The following CDH4 variants were observed in gnomAD, a reference collection of about 807,000 sequenced individuals.
CDH4 encodes the protein cadherin-4.
In CDH4, 33 loss-of-function variants were observed where a neutral mutation model predicts 86.0. The observed-to-expected ratio is 0.38, with a 90% CI of 0.29 to 0.51. The LOEUF is 0.51. CDH4 is among the 20% of genes least tolerant of loss of function. The pLI is 0.86. For missense variants in CDH4, 1,114 were observed against 1,307.4 expected, an observed-to-expected ratio of 0.85 and a Z score of 2.28; for synonymous variants, 555 against 549.4, an observed-to-expected ratio of 1.01 and a Z score of -0.14.
chr20:61,858,728 C>T (rs574446631), intron 6 of CDH4, among the ~76,000 whole-genome samples: 89 of 152,280 alleles, frequency 5.8e-4, no homozygotes, highest in African/African-American at 2.0e-3. Flanking sequence ...GATGTACAGC[C>T]AGGTCGTATC....
intron 6 of CDH4, among the ~76,000 whole-genome samples, chr20:61,853,148 A>C (rs1010211241): frequency 2.6e-5 from 4 of 151,986 alleles, no homozygotes; most frequent in Non-Finnish European, 4.4e-5. Context: ...TGGGAAGAAA[A>C]CCCGGGCACT....
chr20:61,549,278 G>A (rs1021824992), intron 2 of CDH4, among the ~76,000 whole-genome samples: 1 of 152,214 alleles, frequency 6.6e-6, no homozygotes, highest in East Asian at 1.9e-4. Flanking sequence ...AGTTTTATGG[G>A]CATAAACATG....
chr20:61,544,272 AGCGGGTGGAG>A lies in CDH4; in HGVS notation c.170-199288_170-199279del, dbSNP rs1444295461. 1.3e-5 allele frequency among the ~76,000 whole-genome samples: 2 copies of A among 151,978 alleles called. No individual in the cohort carries two copies. Among genetic ancestry groups the A allele is most frequent in the African/African-American group, 4.8e-5 (2 of 41,370 alleles). ...ATATGGCGGGGTACGGCTGACATCG[AGCGGGTGGAG>A]GCTGGGTACGGCTAAACACCCCACA... On this transcript the variant is annotated intron_variant, in intron 2 of 15. Coordinates refer to ENST00000614565, the MANE Select transcript of CDH4 (RefSeq NM_001794.5). This position sits in a 1 kb window ranked among gnomAD's most constrained non-coding sequence, Gnocchi z 6.5.
intron 2 of CDH4, among the ~76,000 whole-genome samples, chr20:61,596,498 C>T (rs1314227162): frequency 6.6e-6 from 1 of 152,180 alleles, no homozygotes; most frequent in African/African-American, 2.4e-5. Context: ...AGCAGCAAGT[C>T]TCTGGGCCAT....
intron 2 of CDH4, among the ~76,000 whole-genome samples, chr20:61,411,656 C>T (rs575803792): frequency 6.6e-6 from 1 of 152,072 alleles, no homozygotes; most frequent in South Asian, 2.1e-4. Context: ...TTGTTCAGCT[C>T]TCTCTGATGC....
chr20:61,519,561 G>A (rs6061591), intron 2 of CDH4, among the ~76,000 whole-genome samples: 1 of 152,184 alleles, frequency 6.6e-6, no homozygotes, highest in African/African-American at 2.4e-5. Context: ...TCTGTGTTCA[G>A]GCTCCCCAAG....
At chr20:61,729,404 C>T (rs923053607) in intron 2 of CDH4, among the ~76,000 whole-genome samples, 5 of 152,186 alleles carry the variant, frequency 3.3e-5, no homozygotes, top group African/African-American at 1.2e-4. Context: ...TCCCTGCGGC[C>T]CCCTCTTCTG....
chr20:61,732,573 G>A (rs544746045), intron 2 of CDH4, among the ~76,000 whole-genome samples: 53 of 152,144 alleles, frequency 3.5e-4, no homozygotes, highest in Non-Finnish European at 6.8e-4. Context: ...CACCAACACA[G>A]CCTTCCACCT....
intron 4 of CDH4, among the ~76,000 whole-genome samples, chr20:61,787,717 A>T (rs1600988340): frequency 6.6e-6 from 1 of 152,248 alleles, no homozygotes; most frequent in African/African-American, 2.4e-5. Context: ...GTGGGATGCC[A>T]TTGAAGTTTG....
intron 2 of CDH4, among the ~76,000 whole-genome samples, chr20:61,715,090 G>A (rs2087939021): frequency 6.6e-6 from 1 of 152,080 alleles, no homozygotes; most frequent in South Asian, 2.1e-4. Context: ...TTGACGTTTT[G>A]ATAATGGCCA....
chr20:61,305,824 G>A (rs1196845380), intron 2 of CDH4, among the ~76,000 whole-genome samples: 1 of 152,194 alleles, frequency 6.6e-6, no homozygotes, highest in Non-Finnish European at 1.5e-5. Flanking sequence ...GGAGATCCGT[G>A]GGAGTTCAGA....
intron 2 of CDH4, among the ~76,000 whole-genome samples, chr20:61,693,879 TC>T: frequency 1.4e-5 from 2 of 146,528 alleles, no homozygotes; most frequent in South Asian, 4.4e-4. Context: ...AGACACTCTT[TC>T]TTTCTTTTTT....
intron 2 of CDH4, among the ~76,000 whole-genome samples, chr20:61,678,019 G>A (rs2087464795): frequency 6.6e-6 from 1 of 152,114 alleles, no homozygotes; most frequent in Non-Finnish European, 1.5e-5. Flanking sequence ...ATAGATAATA[G>A]ATGGATAAAT....
At chr20:61,620,724 G>A (rs1568717365) in intron 2 of CDH4, among the ~76,000 whole-genome samples, 1 of 152,158 alleles carries the variant, frequency 6.6e-6, no homozygotes, top group Admixed American at 6.6e-5. Flanking sequence ...TAGGCTCCTG[G>A]GAGAGCAATG....
At chr20:61,418,402 G>A (rs1182013812) in intron 2 of CDH4, among the ~76,000 whole-genome samples, 3 of 151,828 alleles carry the variant, frequency 2.0e-5, no homozygotes, top group Non-Finnish European at 4.4e-5. Flanking sequence ...TAGTAGAGAC[G>A]GGATTTCACC....
chr20:61,764,562 A>G (rs2088676382), intron 3 of CDH4, among the ~76,000 whole-genome samples: 1 of 151,880 alleles, frequency 6.6e-6, no homozygotes, highest in African/African-American at 2.4e-5. Context: ...GAGTGAACAC[A>G]CCTTCCGCGC....
At chr20:61,539,989 G>A (rs1015957252) in intron 2 of CDH4, among the ~76,000 whole-genome samples, 7 of 152,160 alleles carry the variant, frequency 4.6e-5, no homozygotes, top group Admixed American at 6.5e-5. Flanking sequence ...TCTCCTCCCC[G>A]ATGCCCGCAG....
At position 61,712,550 on chromosome 20, in the gene CDH4, C is replaced by T. The variant is rs1023241640; in HGVS notation, c.170-31013C>T. Among the ~76,000 whole-genome samples the T allele has an allele frequency of 4.6e-5, 7 of 152,284 alleles. No individual in the cohort carries two copies. In the South Asian group the frequency reaches 8.3e-4, roughly 18 times the overall value. On this transcript the variant is annotated intron_variant, in intron 2 of 15. Coordinates refer to ENST00000614565, the MANE Select transcript of CDH4 (RefSeq NM_001794.5). ...CTCCTCCTCTTCTTCCCTCCCCAACCTCTCCTCCCCTCCTTTCTTCCTCCT... is the reference window on the plus strand; with the variant it reads ...CTCCTCCTCTTCTTCCCTCCCCAACTTCTCCTCCCCTCCTTTCTTCCTCCT...
intron 4 of CDH4, among the ~76,000 whole-genome samples, chr20:61,806,533 A>G (rs1307298176): frequency 6.6e-6 from 1 of 151,456 alleles, no homozygotes; most frequent in Non-Finnish European, 1.5e-5. Context: ...ACACGTGTGC[A>G]CACACATGTC....
Sources: gnomAD v4.1 joint callset for allele counts (sites outside exome capture counted in the v4.1 genomes callset) on GRCh38, gnomAD v4.1.1 for gene constraint, Gnocchi (gnomAD v3.1) non-coding constraint, MANE v1.5 for transcripts, NCBI Gene and HGNC (gene_info 2026-07-23, HGNC 2026-07-21) for gene names.